NFATC1: variants seen among roughly 807,000 people sequenced by gnomAD.
The protein encoded by NFATC1 is nuclear factor of activated T cells 1, also known as nuclear factor of activated T-cells, cytoplasmic 1.
NFATC1 carries 22 observed loss-of-function variants against 76.0 expected under a neutral mutation model. That is an observed-to-expected ratio of 0.29 (90% CI 0.21 to 0.41). NFATC1 has a LOEUF of 0.41. Ranked by LOEUF, NFATC1 falls within the 10% of genes least tolerant of loss-of-function variation. The pLI, the probability that NFATC1 is intolerant of heterozygous loss-of-function variation, is 1.00. For missense variants in NFATC1, 1,357 were observed against 1,337.7 expected (o/e 1.01, Z -0.23); for synonymous variants, 704 against 613.1 (o/e 1.15, Z -2.19).
chr18:79,448,936 C>G lies in NFATC1; in HGVS notation c.1541C>G (p.Thr514Ser), dbSNP rs2087336681. 9.9e-6 allele frequency: 16 copies of G among 1,613,612 alleles called. No individual in the cohort carries two copies. The highest frequency in any genetic ancestry group is 1.3e-5 in the African/African-American group (1 of 74,948). ...TTSHEAILSN[T>S]KVLEIPLLPE... ...AGCCACGAGGCCATCCTCTCCAACA[C>G]CAAAGTCCTGGAGATCCCACTCCTG... Residue 514 changes from threonine to serine, a missense_variant, in exon 4 of 10, where the codon ACC becomes AGC. This residue lies in a region of NFATC1 where 242 missense variants were observed against 329.2 expected (regional missense o/e 0.74). Transcript: ENST00000427363.
chr18:79,511,068 G>A lies in NFATC1; in HGVS notation c.2783-16460G>A, dbSNP rs571451615. 1.2e-4 allele frequency among the ~76,000 whole-genome samples: 18 copies of A among 152,310 alleles called. No homozygotes were observed. The East Asian group carries it at 3.3e-3, about 28-fold the overall frequency. On this transcript the variant is annotated intron_variant, in intron 9 of 9. Transcript: ENST00000427363. The stretch of plus-strand genomic sequence containing the variant: ...TGTCAGGGTGCCCTGGGCCAGCCCC[G>A]CTGATTCGATTTAGAGCTAACGAGA...
chr18:79,440,753 G>A (rs73494233), intron 3 of NFATC1, among the ~76,000 whole-genome samples: 2,640 of 152,368 alleles, frequency 0.017, 73 homozygotes, highest in African/African-American at 0.059. Context: ...GAACAGCTCC[G>A]GAGTGCAGGG....
chr18:79,453,136 T>C (rs1201959457), intron 6 of NFATC1, among the ~76,000 whole-genome samples: 1 of 152,202 alleles, frequency 6.6e-6, no homozygotes, highest in Non-Finnish European at 1.5e-5. Context: ...TTTGAAATAA[T>C]TTTCCCTTCA....
At chr18:79,509,768 G>T (rs1446841940) in intron 9 of NFATC1, among the ~76,000 whole-genome samples, 1 of 152,238 alleles carries the variant, frequency 6.6e-6, no homozygotes, top group African/African-American at 2.4e-5. Flanking sequence ...ACCAGGGAGG[G>T]AACGCGAAGC....
intron 8 of NFATC1, among the ~76,000 whole-genome samples, chr18:79,485,528 C>T (rs372860064): frequency 8.6e-5 from 13 of 151,772 alleles, no homozygotes; most frequent in Admixed American, 2.6e-4. Context: ...GAGCCGGTGT[C>T]GGCTCTGGCC....
At chr18:79,512,015 C>T (rs1423708395) in intron 9 of NFATC1, among the ~76,000 whole-genome samples, 1 of 152,086 alleles carries the variant, frequency 6.6e-6, no homozygotes, top group African/African-American at 2.4e-5. Flanking sequence ...GCGCAGGTGG[C>T]GGGAGCACGC....
chr18:79,463,125 A>G (rs2088211560), intron 7 of NFATC1, among the ~76,000 whole-genome samples: 1 of 152,248 alleles, frequency 6.6e-6, no homozygotes, highest in South Asian at 2.1e-4. Flanking sequence ...AGTGGTTATC[A>G]GATGGAAAAG....
Position 79,396,065 on chromosome 18 carries a change from C to G in NFATC1, c.-160C>G, listed in dbSNP as rs1299760635. The G allele has an allele frequency of 2.2e-6, 2 of 917,902 alleles. No homozygotes were observed. The highest frequency in any genetic ancestry group is 1.8e-5 in the African/African-American group (1 of 56,290). The allele number at this position is 917,902 out of a possible 1,614,324, so 56.9% of individuals were successfully genotyped here. A position where few individuals can be genotyped will look rare whatever the true frequency, so the allele number is the denominator to read the frequency against. ...AGGTCCTAGGGCCGCGGCCGGGCCC[C>G]GCCACGCGCGCACACGCCCCTCGAT... On this transcript the variant is annotated 5_prime_UTR_variant, in exon 1 of 10. Transcript: ENST00000427363.
chr18:79,452,392 C>T (rs553214821), intron 6 of NFATC1, among the ~76,000 whole-genome samples: 23 of 152,184 alleles, frequency 1.5e-4, no homozygotes, highest in Admixed American at 5.2e-4. Context: ...CTGGAGGCTC[C>T]GGGGCTGAAC....
intron 3 of NFATC1, among the ~76,000 whole-genome samples, chr18:79,434,476 C>T (rs2086703752): frequency 6.6e-6 from 1 of 152,216 alleles, no homozygotes; most frequent in Non-Finnish European, 1.5e-5. Context: ...CCCGGGTAGC[C>T]GTGGGTGTTG....
intron 7 of NFATC1, among the ~76,000 whole-genome samples, chr18:79,462,221 C>T (rs973218408): frequency 1.1e-4 from 17 of 152,192 alleles, no homozygotes; most frequent in Admixed American, 3.3e-4. Flanking sequence ...TCCATGTGCT[C>T]ATGTTTAAAG....
intron 2 of NFATC1, among the ~76,000 whole-genome samples, chr18:79,426,209 TCAGA>T (rs1215908791): frequency 6.6e-6 from 1 of 150,752 alleles, no homozygotes; most frequent in African/African-American, 2.4e-5. Flanking sequence ...CGATTGAGAA[TCAGA>T]CAGTGATCAT....
At chr18:79,414,468 C>G (rs1366216734) in intron 2 of NFATC1, among the ~76,000 whole-genome samples, 1 of 152,224 alleles carries the variant, frequency 6.6e-6, no homozygotes, top group Admixed American at 6.5e-5. Context: ...GTTGCTTGTT[C>G]AGCACCTGTG....
intron 2 of NFATC1, among the ~76,000 whole-genome samples, chr18:79,424,178 A>G (rs1216806134): frequency 6.6e-6 from 1 of 152,230 alleles, no homozygotes; most frequent in Non-Finnish European, 1.5e-5. Context: ...GTCGGGAATC[A>G]TGTCGGGGGT....
At chr18:79,463,078 C>A (rs1039176093) in intron 7 of NFATC1, among the ~76,000 whole-genome samples, 1 of 152,224 alleles carries the variant, frequency 6.6e-6, no homozygotes, top group African/African-American at 2.4e-5. Context: ...CAGCGCCCTT[C>A]CCCCAAGGAC....
Position 79,449,069 on chromosome 18 carries a change from C to T in NFATC1, c.1589+85C>T. On this transcript the variant is annotated intron_variant, in intron 4 of 9. Transcript: ENST00000427363. ...TCCCAGTCCCGGGGGGTCTGGCCAGCCCCCCGCACTTCCAGGCTGCGTGGC... is the reference window on the plus strand; with the variant it reads ...TCCCAGTCCCGGGGGGTCTGGCCAGTCCCCCGCACTTCCAGGCTGCGTGGC... 2.9e-6 allele frequency: 4 copies of T among 1,356,170 alleles called. No individual in the cohort carries two copies. The South Asian group carries it at 5.3e-5, about 18-fold the overall frequency. The allele number at this position is 1,356,170 out of a possible 1,614,324, so 84.0% of individuals were successfully genotyped here.
chr18:79,486,177 C>T, intron 8 of NFATC1, 71 bp from the exon 9 acceptor site: 5 of 1,446,238 alleles, frequency 3.5e-6, no homozygotes, highest in Non-Finnish European at 4.7e-6. Flanking sequence ...GAGGGTGCCC[C>T]AGCCACAAGC....
At chr18:79,523,496 C>G (rs1348040477) in intron 9 of NFATC1, among the ~76,000 whole-genome samples, 1 of 152,272 alleles carries the variant, frequency 6.6e-6, no homozygotes, top group Non-Finnish European at 1.5e-5. Flanking sequence ...GGCGTCTCGC[C>G]TACGGCTTGT....
intron 1 of NFATC1, among the ~76,000 whole-genome samples, chr18:79,399,266 C>T (rs1198563402): frequency 6.6e-6 from 1 of 152,256 alleles, no homozygotes. Context: ...CTGGAGAAAA[C>T]CAGCCAGTGA....
Sources: gnomAD v4.1 joint callset for allele counts (sites outside exome capture counted in the v4.1 genomes callset) on GRCh38, gnomAD v4.1.1 for gene constraint, gnomAD v4.1.1 regional missense constraint, MANE v1.5 for transcripts, NCBI Gene and HGNC (gene_info 2026-07-23, HGNC 2026-07-21) for gene names.